The following FGF14 variants were observed in gnomAD, a reference collection of about 807,000 sequenced individuals.
FGF14 encodes the protein fibroblast growth factor homologous factor 4.
FGF14 carries 5 observed loss-of-function variants against 25.5 expected under a neutral mutation model. The observed-to-expected ratio is 0.20, with a 90% confidence interval of 0.10 to 0.41. The LOEUF (loss-of-function observed/expected upper bound fraction) is 0.41. FGF14 is among the 10% of genes least tolerant of loss of function. The pLI, the probability that FGF14 is intolerant of heterozygous loss-of-function variation, is 1.00. For missense variants in FGF14, 222 were observed against 320.1 expected, an observed-to-expected ratio of 0.69 and a Z score of 2.34; for synonymous variants, 138 against 118.3, an observed-to-expected ratio of 1.17 and a Z score of -1.08.
At chr13:102,094,800 G>C (rs542055021) in intron 1 of FGF14, among the ~76,000 whole-genome samples, 1 of 152,126 alleles carries the variant, frequency 6.6e-6, no homozygotes, top group Non-Finnish European at 1.5e-5. Context: ...CATCAATAAG[G>C]GACTGCCTTT....
intron 3 of FGF14, among the ~76,000 whole-genome samples, chr13:101,812,528 A>T (rs2041573972): frequency 6.8e-6 from 1 of 147,562 alleles, no homozygotes; most frequent in Non-Finnish European, 1.5e-5. Context: ...TATGATCATC[A>T]CCACTTAGAT....
intron 1 of FGF14, among the ~76,000 whole-genome samples, chr13:102,206,412 G>A (rs1279623983): frequency 6.6e-6 from 1 of 152,144 alleles, no homozygotes; most frequent in Non-Finnish European, 1.5e-5. Flanking sequence ...CCGGCGCAGT[G>A]GCTCACGCCT....
intron 3 of FGF14, among the ~76,000 whole-genome samples, chr13:101,756,292 G>C (rs1259228638): frequency 6.6e-6 from 1 of 152,090 alleles, no homozygotes; most frequent in Non-Finnish European, 1.5e-5. Flanking sequence ...TTTATAATAT[G>C]CTATTTTTCT....
Position 102,178,088 on chromosome 13 carries a change from G to A in FGF14, c.208+223383C>T, listed in dbSNP as rs375873313. On this transcript the variant is annotated intron_variant, in intron 1 of 4. Coordinates refer to the FGF14 transcript ENST00000376131. Reference sequence around the variant, plus strand: ...CCTCCAGCACAAACATAGCACTAACGTCTCTTCGACCAGCTCCCTCATATC... The same window carrying A: ...CCTCCAGCACAAACATAGCACTAACATCTCTTCGACCAGCTCCCTCATATC... Among the ~76,000 whole-genome samples the A allele has an allele frequency of 5.9e-5, 9 of 152,066 alleles. No homozygotes were observed. In the East Asian group the frequency reaches 1.2e-3, roughly 20 times the overall value.
intron 3 of FGF14, among the ~76,000 whole-genome samples, chr13:101,846,280 A>G (rs2043454612): frequency 6.6e-6 from 1 of 151,954 alleles, no homozygotes; most frequent in South Asian, 2.1e-4. Context: ...TAACTGGAAT[A>G]CTACATTAAA....
At chr13:102,201,321 A>T (rs189207328) in intron 1 of FGF14, among the ~76,000 whole-genome samples, 1 of 152,204 alleles carries the variant, frequency 6.6e-6, no homozygotes, top group East Asian at 1.9e-4. Flanking sequence ...GCGAGAGAAT[A>T]ACAAAGGTGC....
In FGF14 at chr13:101,716,699, CCTTA is replaced by C. The variant is rs757267873; in HGVS notation, c.*6128_*6131del. On this transcript the variant is annotated 3_prime_UTR_variant, in exon 5 of 5. Coordinates refer to ENST00000376143, the MANE Select transcript of FGF14 (RefSeq NM_004115.4). Reference sequence around the variant, plus strand: ...TAAAATACTTTTTTTTCTAAGGATACCTTACTTACTGGAAACCTGGGGTCATGCA... The same window carrying C: ...TAAAATACTTTTTTTTCTAAGGATACCTTACTGGAAACCTGGGGTCATGCA... The C allele has an allele frequency of 6.7e-4, 101 of 150,722 alleles. No homozygotes were observed. Among genetic ancestry groups the C allele is most frequent in the Non-Finnish European group, 1.3e-3 (89 of 67,802 alleles). The allele number at this position is 150,722 out of a possible 1,614,324, so 9.3% of individuals were successfully genotyped here.
intron 3 of FGF14, among the ~76,000 whole-genome samples, chr13:101,839,558 G>C (rs930863308): frequency 6.6e-6 from 1 of 151,940 alleles, no homozygotes; most frequent in Admixed American, 6.6e-5. Flanking sequence ...GTAAATAGTA[G>C]ATGTATATAT....
At chr13:102,222,364 C>G (rs189963756) in intron 1 of FGF14, among the ~76,000 whole-genome samples, 1 of 152,302 alleles carries the variant, frequency 6.6e-6, no homozygotes, top group Admixed American at 6.5e-5. Flanking sequence ...TGGCAGACAT[C>G]TGGTCAACCA....
chr13:102,268,517 A>C (rs933759370), intron 1 of FGF14, among the ~76,000 whole-genome samples: 2 of 152,092 alleles, frequency 1.3e-5, no homozygotes, highest in Non-Finnish European at 2.9e-5. Context: ...TGGATACAGG[A>C]AAATGTCTAG....
chr13:101,723,016 G>T (rs1481378180), intron 4 of FGF14, 49 bp from the exon 5 acceptor site: 1 of 1,611,052 alleles, frequency 6.2e-7, no homozygotes, highest in Non-Finnish European at 8.5e-7. Flanking sequence ...GCTTGGTTAG[G>T]TGTGAGAATG....
At chr13:101,967,194 A>C (rs1176842520) in intron 1 of FGF14, among the ~76,000 whole-genome samples, 1 of 152,218 alleles carries the variant, frequency 6.6e-6, no homozygotes, top group East Asian at 1.9e-4. Context: ...TTCAAGGCTC[A>C]TCCCAAACCT....
intron 1 of FGF14, among the ~76,000 whole-genome samples, chr13:102,026,334 T>A (rs972101881): frequency 6.6e-6 from 1 of 151,922 alleles, no homozygotes; most frequent in Non-Finnish European, 1.5e-5. Context: ...GTTGCTAGAT[T>A]AAGATTTTTA....
At chr13:101,954,733 AGT>A (rs2036406768) in intron 1 of FGF14, among the ~76,000 whole-genome samples, 2 of 152,074 alleles carry the variant, frequency 1.3e-5, no homozygotes, top group African/African-American at 2.4e-5. Flanking sequence ...CTTGTGCACG[AGT>A]GTGTGCACAT....
intron 1 of FGF14, among the ~76,000 whole-genome samples, chr13:102,193,581 C>A (rs191514080): frequency 1.3e-5 from 2 of 152,240 alleles, no homozygotes; most frequent in Admixed American, 6.5e-5. Context: ...AAGGCATGCA[C>A]CTAACACACA....
At chr13:101,785,722 G>A (rs998062786) in intron 3 of FGF14, among the ~76,000 whole-genome samples, 19 of 152,244 alleles carry the variant, frequency 1.2e-4, no homozygotes, top group African/African-American at 3.9e-4. Flanking sequence ...TATGTGTTCA[G>A]AGGGTTTTTT....
intron 1 of FGF14, among the ~76,000 whole-genome samples, chr13:101,952,170 T>C (rs543554299): frequency 1.3e-5 from 2 of 152,290 alleles, no homozygotes; most frequent in East Asian, 3.9e-4. Flanking sequence ...ACTTCATAGA[T>C]AAGAATATGA....
intron 3 of FGF14, among the ~76,000 whole-genome samples, chr13:101,825,993 GT>G (rs1249976162): frequency 2.6e-5 from 4 of 152,176 alleles, no homozygotes; most frequent in Admixed American, 6.5e-5. Flanking sequence ...GTTATGCAAT[GT>G]TTTTATCATA....
At chr13:102,189,338 G>C (rs560791984) in intron 1 of FGF14, among the ~76,000 whole-genome samples, 1 of 152,172 alleles carries the variant, frequency 6.6e-6, no homozygotes, top group Non-Finnish European at 1.5e-5. Flanking sequence ...AATCAGAGGT[G>C]CACTTTAGGA....
Sources: gnomAD v4.1 joint callset for allele counts (sites outside exome capture counted in the v4.1 genomes callset) on GRCh38, gnomAD v4.1.1 for gene constraint, MANE v1.5 for transcripts, NCBI Gene and HGNC (gene_info 2026-07-23, HGNC 2026-07-21) for gene names.